HS6ST3: variants seen among roughly 807,000 people sequenced by gnomAD.
HS6ST3 encodes heparan sulfate 6-O-sulfotransferase 3, also known as heparan-sulfate 6-O-sulfotransferase 3.
HS6ST3 carries 12 observed loss-of-function variants against 36.7 expected under a neutral mutation model. The observed-to-expected ratio is 0.33, with a 90% CI of 0.21 to 0.53. The LOEUF is 0.53. HS6ST3 is among the 20% of genes least tolerant of loss of function. HS6ST3 has a pLI of 0.95. For missense variants in HS6ST3, 584 were observed against 640.9 expected (o/e 0.91, Z 0.96); for synonymous variants, 240 against 257.5 (o/e 0.93, Z 0.65).
chr13:96,205,097 TAAAG>T (rs1228145411), intron 1 of HS6ST3, among the ~76,000 whole-genome samples: 2 of 118,900 alleles, frequency 1.7e-5, no homozygotes, highest in East Asian at 2.4e-4. Context: ...GCTAGACTAA[TAAAG>T]AAGAAAAGAA....
intron 1 of HS6ST3, among the ~76,000 whole-genome samples, chr13:96,168,961 T>C (rs1293262533): frequency 2.0e-5 from 3 of 152,082 alleles, no homozygotes; most frequent in Non-Finnish European, 2.9e-5. Flanking sequence ...TAGAAGATTG[T>C]TATTATTAGC....
At chr13:96,540,568 A>G (rs537959766) in intron 1 of HS6ST3, among the ~76,000 whole-genome samples, 1 of 152,262 alleles carries the variant, frequency 6.6e-6, no homozygotes, top group Non-Finnish European at 1.5e-5. Flanking sequence ...AGCCTTTATC[A>G]GCCTTGTTTA....
rs17235447 is a variant in HS6ST3 at position 96,475,050 on chromosome 13, C to G, written c.708-357440C>G. On this transcript the variant is annotated intron_variant, in intron 1 of 1. Transcript: ENST00000376705. ...GCAAGGTTCAAAGCTAAATGCAACT[C>G]TATTCTCTCACCAGTGAGGCTACTT... Among the ~76,000 whole-genome samples the G allele has an allele frequency of 2.2e-3, 333 of 151,484 alleles. 7 individuals are homozygous for G. In the East Asian group the frequency reaches 0.047, roughly 21 times the overall value.
chr13:96,670,060 GC>G (rs2056677919), intron 1 of HS6ST3, among the ~76,000 whole-genome samples: 3 of 152,266 alleles, frequency 2.0e-5, no homozygotes, highest in Admixed American at 2.0e-4. Flanking sequence ...TATAAAAAGT[GC>G]CTCAGGGCAC....
At chr13:96,334,938 TG>T (rs1002696966) in intron 1 of HS6ST3, among the ~76,000 whole-genome samples, 8 of 152,366 alleles carry the variant, frequency 5.3e-5, no homozygotes, top group Admixed American at 1.3e-4. Context: ...ACCTAGTTGA[TG>T]CTTCTTCTTA....
chr13:96,328,967 G>A (rs1205988425), intron 1 of HS6ST3, among the ~76,000 whole-genome samples: 20 of 151,318 alleles, frequency 1.3e-4, no homozygotes, highest in East Asian at 7.8e-4. Flanking sequence ...GTTTATTTGC[G>A]TAGAGGTGTT....
chr13:96,464,950 G>A (rs2055804798), intron 1 of HS6ST3, among the ~76,000 whole-genome samples: 1 of 21,038 alleles, frequency 4.8e-5, no homozygotes, highest in African/African-American at 8.0e-5. Context: ...GATGCTTCGT[G>A]TGTGTGTGTG....
intron 1 of HS6ST3, among the ~76,000 whole-genome samples, chr13:96,233,568 G>T (rs1746195184): frequency 6.6e-6 from 1 of 152,164 alleles, no homozygotes; most frequent in African/African-American, 2.4e-5. Flanking sequence ...GGCTGGAAAG[G>T]ATACATAACA....
intron 1 of HS6ST3, among the ~76,000 whole-genome samples, chr13:96,724,518 T>C (rs1947104966): frequency 6.6e-6 from 1 of 152,220 alleles, no homozygotes; most frequent in African/African-American, 2.4e-5. Flanking sequence ...TGATTTCTTC[T>C]GTTGGCTCCC....
At chr13:96,709,201 G>A (rs1258035399) in intron 1 of HS6ST3, among the ~76,000 whole-genome samples, 1 of 152,164 alleles carries the variant, frequency 6.6e-6, no homozygotes, top group East Asian at 1.9e-4. Context: ...GAAGGTGCCT[G>A]CTTCCCTTTC....
At chr13:96,414,938 C>A (rs1054327031) in intron 1 of HS6ST3, among the ~76,000 whole-genome samples, 1 of 152,008 alleles carries the variant, frequency 6.6e-6, no homozygotes, top group Non-Finnish European at 1.5e-5. Context: ...TCTTGATATT[C>A]GTGCAAGAAA....
At chr13:96,178,172 C>T (rs751106474) in intron 1 of HS6ST3, among the ~76,000 whole-genome samples, 7 of 152,048 alleles carry the variant, frequency 4.6e-5, no homozygotes, top group Non-Finnish European at 7.4e-5. Context: ...ACTTCTGAGG[C>T]TGAATATTGG....
rs111243128 is a variant in HS6ST3, at chr13:96,707,685, G to A, written c.708-124805G>A. 7.3e-4 allele frequency among the ~76,000 whole-genome samples: 111 copies of A among 152,274 alleles called. 2 individuals are homozygous for A. Among genetic ancestry groups the A allele is most frequent in the African/African-American group, 2.5e-3 (103 of 41,570 alleles). On this transcript the variant is annotated intron_variant, in intron 1 of 1. Transcript: ENST00000376705. ...TCTGTATATGTGCACTGGGAGTCAG[G>A]CACCTTTGACATTTTCTCCTTTGCA...
At chr13:96,412,360 C>T (rs1474343525) in intron 1 of HS6ST3, among the ~76,000 whole-genome samples, 3 of 151,858 alleles carry the variant, frequency 2.0e-5, no homozygotes, top group Non-Finnish European at 4.4e-5. Context: ...TCTTTGGGGC[C>T]CAGGAAGATG....
At chr13:96,663,066 C>T (rs367611706) in intron 1 of HS6ST3, among the ~76,000 whole-genome samples, 58 of 152,220 alleles carry the variant, frequency 3.8e-4, no homozygotes, top group South Asian at 3.3e-3. Flanking sequence ...AAAGCTGGAC[C>T]GCTGTGCTCA....
At chr13:96,475,612 CAAAAAAAA>C (rs1251970502) in intron 1 of HS6ST3, among the ~76,000 whole-genome samples, 13 of 91,580 alleles carry the variant, frequency 1.4e-4, no homozygotes, top group Non-Finnish European at 2.4e-4. Flanking sequence ...GGAGTACTAC[CAAAAAAAA>C]AAAAAAAAAA....
intron 1 of HS6ST3, among the ~76,000 whole-genome samples, chr13:96,576,577 G>C (rs1357450636): frequency 6.6e-6 from 1 of 152,134 alleles, no homozygotes; most frequent in Non-Finnish European, 1.5e-5. Flanking sequence ...TCACCCTTGA[G>C]CATGCACGCT....
At chr13:96,710,072 A>C (rs556150730) in intron 1 of HS6ST3, among the ~76,000 whole-genome samples, 22 of 152,328 alleles carry the variant, frequency 1.4e-4, no homozygotes, top group African/African-American at 5.3e-4. Context: ...AAAGGTAGGT[A>C]AGGTAGATGA....
At chr13:96,678,344 A>C (rs2056706429) in intron 1 of HS6ST3, among the ~76,000 whole-genome samples, 1 of 152,082 alleles carries the variant, frequency 6.6e-6, no homozygotes, top group South Asian at 2.1e-4. Flanking sequence ...ACACATTCAA[A>C]CCAAGACAAT....
Sources: gnomAD v4.1 joint callset for allele counts (sites outside exome capture counted in the v4.1 genomes callset) on GRCh38, gnomAD v4.1.1 for gene constraint, MANE v1.5 for transcripts, NCBI Gene and HGNC (gene_info 2026-07-23, HGNC 2026-07-21) for gene names.